Variants in ENO1 observed in about 807,000 individuals in gnomAD.
ENO1 encodes enolase 1, also known as alpha-enolase.
A neutral mutation model predicts 46.3 loss-of-function variants in ENO1; 33 were observed. The observed-to-expected ratio is 0.71, with a 90% CI of 0.54 to 0.95. The LOEUF is 0.95. ENO1 is among the 40% of genes least tolerant of loss of function. The pLI is 0.00. For synonymous variants in ENO1, 220 were observed against 216.0 expected, an observed-to-expected ratio of 1.02 and a Z score of -0.16; for missense variants, 488 against 553.3, an observed-to-expected ratio of 0.88 and a Z score of 1.18.
At chr1:8,872,120 C>T (rs777127555) in intron 2 of ENO1, 134 bp from the exon 3 acceptor site, 21 of 697,000 alleles carry the variant, frequency 3.0e-5, no homozygotes, top group South Asian at 1.0e-4. Context: ...GTGAATTAAA[C>T]GCTCTGGGCT....
chr1:8,871,497 T>C (rs776799160), intron 3 of ENO1: 9 of 1,024,662 alleles, frequency 8.8e-6, no homozygotes, highest in Middle Eastern at 4.7e-4. Flanking sequence ...CCCTGGATCC[T>C]TTCTAGCCCG....
At chr1:8,862,799 G>A in intron 11 of ENO1, 88 bp downstream of exon 11, 1 of 1,442,586 alleles carries the variant, frequency 6.9e-7, no homozygotes, top group South Asian at 1.2e-5. Context: ...CCAGAGCCAG[G>A]AGCTCCTGGG....
chr1:8,875,407 C>T (rs1372240016), intron 1 of ENO1, among the ~76,000 whole-genome samples: 7 of 151,880 alleles, frequency 4.6e-5, no homozygotes, highest in Admixed American at 2.0e-4. Flanking sequence ...GCAGAGTGGC[C>T]CAGGAGCTGT....
intron 7 of ENO1, 23 bp from the exon 8 acceptor site, chr1:8,865,505 G>T (rs945896306): frequency 1.2e-6 from 2 of 1,611,312 alleles, no homozygotes; most frequent in Non-Finnish European, 1.7e-6. Context: ...GGTGACAACA[G>T]GTTTGGAAAA....
At chr1:8,869,791 C>G (rs1273037279) in intron 4 of ENO1, among the ~76,000 whole-genome samples, 7 of 152,166 alleles carry the variant, frequency 4.6e-5, no homozygotes, top group Admixed American at 3.9e-4. Context: ...AACTCCTGAC[C>G]TCAAGTGATC....
intron 3 of ENO1, 87 bp from the exon 4 acceptor site, chr1:8,870,597 G>A (rs780803383): frequency 1.5e-5 from 24 of 1,581,732 alleles, no homozygotes; most frequent in South Asian, 2.3e-5. Flanking sequence ...TGTTGAGGCC[G>A]ACGCGGAAGC....
At position 8,866,397 on chromosome 1, in the gene ENO1, G is replaced by A. The variant is rs1642516623; in HGVS notation, c.549C>T (p.Arg183=). ...GGTTGTGGTAAACCTCTGCTCCAAT[G>A]CGCATGGCTTCCCTGAAGTTTGCTG... ...VGAANFREAM[R]IGAEVYHNLK... Residue 183 remains arginine (R), a synonymous_variant, in exon 7 of 12, where the codon CGC becomes CGT. Transcript: ENST00000234590. The A allele has an allele frequency of 1.2e-6, 2 of 1,614,078 alleles. No individual in the cohort carries two copies. Among genetic ancestry groups the A allele is most frequent in the East Asian group, 2.2e-5 (1 of 44,884 alleles).
chr1:8,870,388 C>A, intron 4 of ENO1, 64 bp downstream of exon 4: 2 of 1,603,362 alleles, frequency 1.2e-6, no homozygotes, highest in East Asian at 2.2e-5. Flanking sequence ...AACAGGAAAG[C>A]CCCTGGGCCT....
intron 1 of ENO1, chr1:8,875,680 C>T (rs898493248): frequency 7.9e-5 from 12 of 152,184 alleles, no homozygotes; most frequent in African/African-American, 2.7e-4. Context: ...GTCCTTGGAC[C>T]GTGTGATCTT....
chr1:8,867,890 C>A, intron 5 of ENO1, 98 bp downstream of exon 5: 1 of 1,059,686 alleles, frequency 9.4e-7, no homozygotes, highest in Non-Finnish European at 1.4e-6. Context: ...GCTCATGTAG[C>A]TCATCACTAA....
Position 8,867,114 on chromosome 1 carries a change from C to CACCGG in ENO1, c.442_444+2dup. 6.2e-7 allele frequency: 1 copy of CACCGG among 1,612,520 alleles called. No homozygotes were observed. The highest frequency in any genetic ancestry group is 8.5e-7 in the Non-Finnish European group (1 of 1,178,648). On this transcript the variant is annotated splice_region_variant and intron_variant, in intron 6 of 11. Transcript: ENST00000234590. ...GCTTGGGAAGTTCCAATAAACCACT[C>CACCGG]ACCGGGACTGGCAGGATGACTTCAG...
In ENO1 at chr1:8,878,672, G is replaced by C; in HGVS notation, c.-102C>G. The C allele has an allele frequency of 2.2e-6, 1 of 456,054 alleles. No homozygotes were observed. The highest frequency in any genetic ancestry group is 1.5e-5 in the South Asian group (1 of 64,566). The allele number at this position is 456,054 out of a possible 1,614,324, so 28.3% of individuals were successfully genotyped here. A position where few individuals can be genotyped will look rare whatever the true frequency, so the allele number is the denominator to read the frequency against. ...AGCCGGCGAGATCTCCGTGCTCCGG[G>C]TACCCACAGATACTGTCCGCGCCGC... is the stretch of plus-strand genomic sequence containing the variant. On this transcript the variant is annotated 5_prime_UTR_variant, in exon 1 of 12. Coordinates refer to ENST00000234590, the MANE Select transcript of ENO1 (RefSeq NM_001428.5).
intron 2 of ENO1, among the ~76,000 whole-genome samples, chr1:8,872,387 C>T (rs1642651642): frequency 1.3e-5 from 2 of 150,588 alleles, no homozygotes; most frequent in South Asian, 2.1e-4. Flanking sequence ...CGTTCTGGTA[C>T]TTTTTTTTTC....
chr1:8,872,277 C>T (rs1642649214), intron 2 of ENO1, among the ~76,000 whole-genome samples: 1 of 152,164 alleles, frequency 6.6e-6, no homozygotes, highest in Admixed American at 6.5e-5. Context: ...CTGACCCAGG[C>T]AAATATGCAT....
rs1467324343 is a variant in ENO1, at chr1:8,865,459, T to A, written c.691A>T (p.Ile231Phe). 6.2e-7 allele frequency: 1 copy of A among 1,613,174 alleles called. No individual in the cohort carries two copies. The highest frequency in any genetic ancestry group is 8.5e-7 in the Non-Finnish European group (1 of 1,180,020). Residue 231 changes from isoleucine (I) to phenylalanine (F), a missense_variant, in exon 8 of 12, where the codon ATT becomes TTT. Transcript: ENST00000234590. Reference protein sequence around the residue: ...KEGLELLKTAIGKAGYTDKVV... With the variant: ...KEGLELLKTAFGKAGYTDKVV... ...TTATCAGTGTAGCCAGCTTTCCCAA[T>A]AGCAGTCTTCAGCAGCTCCAGGCCT...
Position 8,863,886 on chromosome 1 carries a change from CTTACGCCT to C in ENO1, c.1064_1067+4del. On this transcript the variant is annotated splice_donor_variant and splice_donor_region_variant and coding_sequence_variant and intron_variant, in exon 9 of 12. Transcript: ENST00000234590. LOFTEE classifies it high-confidence loss of function. ...GGAAAGCTGCTCGCCTGGGAAGACA[CTTACGCCT>C]GAAGAGACTCGGTCACGGAGCCAAT... 6.2e-7 allele frequency: 1 copy of C among 1,613,754 alleles called. No individual in the cohort carries two copies. The highest frequency in any genetic ancestry group is 8.5e-7 in the Non-Finnish European group (1 of 1,179,884).
intron 2 of ENO1, among the ~76,000 whole-genome samples, chr1:8,874,513 G>A (rs1642695159): frequency 7.3e-6 from 1 of 137,058 alleles, no homozygotes; most frequent in African/African-American, 2.7e-5. Flanking sequence ...GGGAGGCAGA[G>A]GTTGCAGTAA....
At chr1:8,878,330 G>T (rs1642780340) in intron 1 of ENO1, 2 of 290,974 alleles carry the variant, frequency 6.9e-6, no homozygotes, top group Non-Finnish European at 6.7e-6. Flanking sequence ...CGGTAATCAC[G>T]TGTTGATCTG....
chr1:8,874,344 G>A (rs1432089965), intron 2 of ENO1, among the ~76,000 whole-genome samples: 4 of 152,112 alleles, frequency 2.6e-5, no homozygotes, highest in Non-Finnish European at 4.4e-5. Context: ...AGGCAGAGGC[G>A]GGCAGATCAC....
Sources: gnomAD v4.1 joint callset for allele counts (sites outside exome capture counted in the v4.1 genomes callset) on GRCh38, gnomAD v4.1.1 for gene constraint, MANE v1.5 for transcripts, NCBI Gene and HGNC (gene_info 2026-07-23, HGNC 2026-07-21) for gene names.